The following MYO9A variants were observed in gnomAD, a reference collection of about 807,000 sequenced individuals.
MYO9A encodes unconventional myosin-IXa.
Under a neutral mutation model 293.3 loss-of-function variants are expected in MYO9A, and 103 were observed. The observed-to-expected ratio is 0.35, with a 90% CI of 0.30 to 0.41. MYO9A has a LOEUF of 0.41. MYO9A is among the 10% of genes least tolerant of loss of function. MYO9A has a pLI of 1.00. For missense variants in MYO9A, 2,685 were observed against 3,033.0 expected (o/e 0.89, Z 2.69); for synonymous variants, 1,001 against 1,035.7 (o/e 0.97, Z 0.64).
At chr15:71,871,240 A>G (rs2056502066) in intron 32 of MYO9A, among the ~76,000 whole-genome samples, 1 of 151,526 alleles carries the variant, frequency 6.6e-6, no homozygotes, top group African/African-American at 2.4e-5. Context: ...GCTAGGCATG[A>G]TAGGTGTGCG....
At chr15:71,881,171 C>CT (rs912020004) in intron 28 of MYO9A, among the ~76,000 whole-genome samples, 7 of 151,916 alleles carry the variant, frequency 4.6e-5, no homozygotes, top group African/African-American at 1.7e-4. Context: ...CCCCAAATAA[C>CT]TGTCAATTTA....
intron 40 of MYO9A, among the ~76,000 whole-genome samples, chr15:71,829,137 G>A (rs2054620330): frequency 6.6e-6 from 1 of 152,142 alleles, no homozygotes; most frequent in Admixed American, 6.5e-5. Context: ...AATATCATCT[G>A]CATCAAAGCC....
At chr15:72,026,635 G>A (rs2077682380) in intron 4 of MYO9A, among the ~76,000 whole-genome samples, 2 of 151,852 alleles carry the variant, frequency 1.3e-5, no homozygotes, top group Admixed American at 1.3e-4. Flanking sequence ...AAAAAAAATA[G>A]AGAACATCAA....
intron 1 of MYO9A, among the ~76,000 whole-genome samples, chr15:72,090,075 C>T (rs2079858010): frequency 6.6e-6 from 1 of 152,150 alleles, no homozygotes; most frequent in Non-Finnish European, 1.5e-5. Flanking sequence ...TCACTATGTA[C>T]TGCATGGTCA....
rs993973631 is a variant in MYO9A at position 72,010,318 on chromosome 15, T to C, written c.1253+32A>G. 8 of 1,561,214 alleles carry C rather than the reference T, an allele frequency of 5.1e-6. No homozygotes were observed. The South Asian group carries it at 8.9e-5, about 17-fold the overall frequency. On this transcript the variant is annotated intron_variant, in intron 7 of 41. Coordinates refer to ENST00000356056, the MANE Select transcript of MYO9A (RefSeq NM_006901.4). Reference sequence around the variant, plus strand: ...CAAAGACATATCATGTGTTCTCTATTAGAGATATAAAAATACAACAAGTAA... The same window carrying C: ...CAAAGACATATCATGTGTTCTCTATCAGAGATATAAAAATACAACAAGTAA...
intron 18 of MYO9A, among the ~76,000 whole-genome samples, chr15:71,925,209 ATGTG>A (rs1341424116): frequency 1.8e-5 from 1 of 56,488 alleles, no homozygotes; most frequent in African/African-American, 5.9e-5. Flanking sequence ...ACATATATAC[ATGTG>A]TATATATACA....
chr15:71,845,390 C>T lies in MYO9A; in HGVS notation c.6837+3455G>A, dbSNP rs556151624. On this transcript the variant is annotated intron_variant, in intron 39 of 41. Coordinates refer to ENST00000356056, the MANE Select transcript of MYO9A (RefSeq NM_006901.4). Reference sequence around the variant, plus strand: ...AATATTTCTGTGAAGTGCAGTGAGCCGGTAGTATTATATGTATTATAGTGC... The same window carrying T: ...AATATTTCTGTGAAGTGCAGTGAGCTGGTAGTATTATATGTATTATAGTGC... 5.3e-4 allele frequency among the ~76,000 whole-genome samples: 81 copies of T among 152,180 alleles called. 2 individuals are homozygous for T. In the South Asian group the frequency reaches 0.014, roughly 26 times the overall value.
At chr15:72,076,434 C>T (rs962958263) in intron 1 of MYO9A, among the ~76,000 whole-genome samples, 2 of 151,760 alleles carry the variant, frequency 1.3e-5, no homozygotes, top group African/African-American at 4.8e-5. Context: ...GGTCAATCTA[C>T]ACAAATCAAA....
intron 16 of MYO9A, chr15:71,938,613 T>G: frequency 2.8e-6 from 1 of 358,842 alleles, no homozygotes; most frequent in South Asian, 9.5e-5. Context: ...GAGCTCATTT[T>G]AAGTTATTCT....
rs765748499 is a variant in MYO9A, at chr15:72,046,330, T to C, written c.234A>G (p.Pro78=). 1.9e-6 allele frequency: 3 copies of C among 1,614,086 alleles called. No homozygotes were observed. The highest frequency in any genetic ancestry group is 2.2e-5 in the South Asian group (2 of 91,086). The change falls in exon 2 of 42, where the codon CCA becomes CCG. Residue 78 remains proline (P), a synonymous_variant. Coordinates refer to ENST00000356056, the MANE Select transcript of MYO9A (RefSeq NM_006901.4). ...TCATTCGCTGAACTGGACAATCTGT[T>C]GGATTGAGAATCCATTCTTCTCCAC... The part of the protein sequence containing the change: ...EFGGEEWILN[P]TDCPVQRMML...
chr15:71,893,110 C>A, intron 26 of MYO9A: 1 of 1,290,092 alleles, frequency 7.8e-7, no homozygotes, highest in Non-Finnish European at 1.0e-6. Context: ...GGCAAAAGTA[C>A]CTCTAGTCAA....
In MYO9A at chr15:71,824,578, C is replaced by T. The variant is rs1471834155; in HGVS notation, c.*2002G>A. On this transcript the variant is annotated 3_prime_UTR_variant, in exon 42 of 42. Transcript: ENST00000356056. Reference sequence around the variant, plus strand: ...CACGGGGCTGAGGAACCAGCAATCCCACTCTAACACACCATGCTGAGGGGT... The same window carrying T: ...CACGGGGCTGAGGAACCAGCAATCCTACTCTAACACACCATGCTGAGGGGT... 6.6e-6 allele frequency: 1 copy of T among 152,234 alleles called. No individual in the cohort carries two copies. Among genetic ancestry groups the T allele is most frequent in the Non-Finnish European group, 1.5e-5 (1 of 68,052 alleles). The allele number at this position is 152,234 out of a possible 1,614,324, so 9.4% of individuals were successfully genotyped here. A position where few individuals can be genotyped will look rare whatever the true frequency, so the allele number is the denominator to read the frequency against.
intron 1 of MYO9A, among the ~76,000 whole-genome samples, chr15:72,082,156 G>C (rs991800453): frequency 6.6e-6 from 1 of 151,976 alleles, no homozygotes; most frequent in Admixed American, 6.6e-5. Flanking sequence ...TTCTTCCTAT[G>C]AATGTGGAAT....
chr15:71,918,509 T>C (rs1421480158), intron 18 of MYO9A, among the ~76,000 whole-genome samples: 1 of 152,094 alleles, frequency 6.6e-6, no homozygotes. Context: ...AAAAAAGCCA[T>C]GTAAAACAAC....
At chr15:71,888,442 G>T (rs1003428395) in intron 26 of MYO9A, 1 of 162,012 alleles carries the variant, frequency 6.2e-6, no homozygotes, top group African/African-American at 2.4e-5. Flanking sequence ...AATCTAGAAC[G>T]CTAAGTATTG....
At chr15:71,979,953 A>G (rs1323364223) in intron 11 of MYO9A, among the ~76,000 whole-genome samples, 2 of 152,202 alleles carry the variant, frequency 1.3e-5, no homozygotes, top group Non-Finnish European at 2.9e-5. Context: ...ATAAACTTTG[A>G]GAATCACTGC....
At chr15:71,979,542 G>A (rs1158410018) in intron 11 of MYO9A, among the ~76,000 whole-genome samples, 1 of 152,080 alleles carries the variant, frequency 6.6e-6, no homozygotes, top group Non-Finnish European at 1.5e-5. Flanking sequence ...TACTCATTTT[G>A]TCTCTTTTCT....
intron 4 of MYO9A, among the ~76,000 whole-genome samples, chr15:72,026,044 C>T (rs973722867): frequency 1.1e-4 from 16 of 151,860 alleles, no homozygotes; most frequent in South Asian, 2.1e-4. Flanking sequence ...GAGGCTGAGG[C>T]GGGCAGATCA....
intron 1 of MYO9A, among the ~76,000 whole-genome samples, chr15:72,091,938 G>A (rs935300228): frequency 2.6e-5 from 4 of 152,062 alleles, no homozygotes; most frequent in East Asian, 1.9e-4. Context: ...CGATGATCTC[G>A]ATCTCCTGAC....
Sources: allele counts gnomAD v4.1 joint callset (sites outside exome capture counted in the v4.1 genomes callset), GRCh38; gene constraint gnomAD v4.1.1; transcripts MANE v1.5; gene names NCBI Gene and HGNC (gene_info 2026-07-23, HGNC 2026-07-21).